ABCA12: variants seen among roughly 807,000 people sequenced by gnomAD.
The protein encoded by ABCA12 is glucosylceramide transporter ABCA12.
ABCA12 carries 156 observed loss-of-function variants against 293.5 expected under a neutral mutation model. That is an observed-to-expected ratio of 0.53 (90% CI 0.47 to 0.61). The LOEUF (loss-of-function observed/expected upper bound fraction) is 0.61, where lower values mean the gene tolerates loss of function less well. ABCA12 is among the 20% of genes least tolerant of loss of function. The probability of loss-of-function intolerance (pLI) is 0.00; values close to 1 mark genes in which losing one functional copy is unlikely to be tolerated. For missense variants in ABCA12, 2,797 were observed against 3,090.2 expected, an observed-to-expected ratio of 0.91 and a Z score of 2.25; for synonymous variants, 1,063 against 1,108.0, an observed-to-expected ratio of 0.96 and a Z score of 0.81.
intron 9 of ABCA12, 144 bp downstream of exon 9, chr2:215,031,677 A>G: frequency 1.1e-6 from 1 of 917,268 alleles, no homozygotes; most frequent in East Asian, 2.5e-5. Context: ...CTACACTTGG[A>G]CTATGCCCTT....
At chr2:215,105,554 A>C (rs2106121527) in intron 2 of ABCA12, among the ~76,000 whole-genome samples, 1 of 151,496 alleles carries the variant, frequency 6.6e-6, no homozygotes, top group South Asian at 2.1e-4. Flanking sequence ...AGAAACATGG[A>C]AAGAGTTGGA....
chr2:214,934,282 C>T (rs1698152765), intron 51 of ABCA12, 67 bp from the exon 52 acceptor site: 1 of 1,571,912 alleles, frequency 6.4e-7, no homozygotes, highest in East Asian at 2.2e-5. Context: ...CTAGACATAA[C>T]TTTACCAAGA....
chr2:214,947,646 G>T (rs1276330975), intron 47 of ABCA12, 90 bp from the exon 48 acceptor site: 2 of 1,428,502 alleles, frequency 1.4e-6, no homozygotes, highest in Non-Finnish European at 1.9e-6. Context: ...CTCATGAAAA[G>T]AAAATGTTAT....
intron 16 of ABCA12, 34 bp from the exon 17 acceptor site, chr2:215,011,683 A>G: frequency 6.3e-7 from 1 of 1,596,716 alleles, no homozygotes; most frequent in Non-Finnish European, 8.6e-7. Context: ...TATTGACACT[A>G]TATGAGCTTT....
chr2:215,079,932 T>C (rs1701905408), intron 2 of ABCA12, among the ~76,000 whole-genome samples: 1 of 152,202 alleles, frequency 6.6e-6, no homozygotes, highest in African/African-American at 2.4e-5. Flanking sequence ...TGGGGATAAA[T>C]AGACTAATGG....
In ABCA12 at chr2:214,968,702, A is replaced by G. The variant is rs1328020381; in HGVS notation, c.5778+18T>C. 1.9e-6 allele frequency: 3 copies of G among 1,610,378 alleles called. No individual in the cohort carries two copies. The South Asian group carries it at 3.3e-5, about 18-fold the overall frequency. ...CTTCTCATTTGTATAACATTCCAGAAAAAAGATCAAAATTTACCTTGGCAA... is the reference window on the plus strand; with the variant it reads ...CTTCTCATTTGTATAACATTCCAGAGAAAAGATCAAAATTTACCTTGGCAA... On this transcript the variant is annotated intron_variant, in intron 38 of 52. Coordinates refer to ENST00000272895, the MANE Select transcript of ABCA12 (RefSeq NM_173076.3).
At chr2:215,079,523 G>A (rs1444286005) in intron 2 of ABCA12, among the ~76,000 whole-genome samples, 1 of 152,216 alleles carries the variant, frequency 6.6e-6, no homozygotes, top group Non-Finnish European at 1.5e-5. Context: ...ACTGGTATAA[G>A]TTTATCATTG....
chr2:215,003,971 A>G (rs1700199239), intron 20 of ABCA12, among the ~76,000 whole-genome samples: 1 of 152,164 alleles, frequency 6.6e-6, no homozygotes, highest in African/African-American at 2.4e-5. Flanking sequence ...CCTGGCCTAC[A>G]TTATAATTAT....
chr2:215,117,244 G>A (rs866568012), intron 1 of ABCA12, among the ~76,000 whole-genome samples: 1 of 152,120 alleles, frequency 6.6e-6, no homozygotes, highest in Non-Finnish European at 1.5e-5. Flanking sequence ...TGCAAGAGAT[G>A]AAGAAACAGA....
chr2:214,955,175 T>C, intron 43 of ABCA12, 27 bp downstream of exon 43: 1 of 1,612,648 alleles, frequency 6.2e-7, no homozygotes, highest in South Asian at 1.1e-5. Context: ...AAGCTTTTGA[T>C]AAATTCACTG....
At position 215,011,958 on chromosome 2, in the gene ABCA12, G is replaced by A. The variant is rs950085055; in HGVS notation, c.2121+13C>T. 6.2e-7 allele frequency: 1 copy of A among 1,613,490 alleles called. No individual in the cohort carries two copies. Among genetic ancestry groups the A allele is most frequent in the South Asian group, 1.1e-5 (1 of 91,068 alleles). On this transcript the variant is annotated intron_variant, in intron 16 of 52. Transcript: ENST00000272895. ...CATTTTTCAACAAGAACATTACTGG[G>A]TGACTTTGCTACCTGTGTTAATGGA...
intron 9 of ABCA12, 78 bp from the exon 10 acceptor site, chr2:215,027,016 C>T (rs1396477402): frequency 9.2e-7 from 1 of 1,092,656 alleles, no homozygotes. Flanking sequence ...TCATTTTGGT[C>T]CCTTGTTTGG....
intron 11 of ABCA12, chr2:215,025,185 A>G (rs1700710418): frequency 6.6e-6 from 1 of 152,312 alleles, no homozygotes; most frequent in Admixed American, 6.5e-5. Context: ...TATGATAACT[A>G]TTGTTAGCCA....
At chr2:215,133,224 G>A (rs1295559785) in intron 1 of ABCA12, among the ~76,000 whole-genome samples, 2 of 118,710 alleles carry the variant, frequency 1.7e-5, no homozygotes, top group African/African-American at 6.0e-5. Flanking sequence ...GACTACATGA[G>A]TTGGTGACGT....
chr2:214,949,029 G>T lies in ABCA12; in HGVS notation c.6962+11C>A. ...TTGTACTCGCTAAATTGAAGCATTA[G>T]TTTTTCATACCCGGTCTTATTTCTG... is the stretch of plus-strand genomic sequence containing the variant. On this transcript the variant is annotated intron_variant, in intron 46 of 52. Transcript: ENST00000272895. 1.2e-6 allele frequency: 2 copies of T among 1,602,328 alleles called. No homozygotes were observed. The highest frequency in any genetic ancestry group is 1.7e-6 in the Non-Finnish European group (2 of 1,169,552).
chr2:214,994,785 T>TA (rs1050872335), intron 23 of ABCA12, among the ~76,000 whole-genome samples: 2 of 152,252 alleles, frequency 1.3e-5, no homozygotes, highest in African/African-American at 2.4e-5. Context: ...ACTAGGAGAC[T>TA]AAAAAAATCT....
chr2:215,111,582 A>G lies in ABCA12; in HGVS notation c.163+15T>C. On this transcript the variant is annotated intron_variant, in intron 2 of 52. Transcript: ENST00000272895. Reference sequence around the variant, plus strand: ...ATCCAAAAATTAAGGAAATAAACAAATGTCATTTACTTACAAGTTGGTTTT... The same window carrying G: ...ATCCAAAAATTAAGGAAATAAACAAGTGTCATTTACTTACAAGTTGGTTTT... The G allele has an allele frequency of 6.4e-7, 1 of 1,569,866 alleles. No individual in the cohort carries two copies. Among genetic ancestry groups the G allele is most frequent in the Non-Finnish European group, 8.8e-7 (1 of 1,140,888 alleles).
rs183821384 is a variant in ABCA12 at position 215,108,484 on chromosome 2, A to G, written c.163+3113T>C. Among the ~76,000 whole-genome samples, 21 of 152,262 alleles carry G rather than the reference A, an allele frequency of 1.4e-4. No individual in the cohort carries two copies. The East Asian group carries it at 3.9e-3, about 28-fold the overall frequency. The stretch of plus-strand genomic sequence containing the variant: ...TCTGGGGCCAGACTGCTTGGTTTCA[A>G]ATCCTGACACCACCACTTATTAACG... On this transcript the variant is annotated intron_variant, in intron 2 of 52. Coordinates refer to ENST00000272895, the MANE Select transcript of ABCA12 (RefSeq NM_173076.3).
At chr2:215,104,069 C>T (rs1366691570) in intron 2 of ABCA12, among the ~76,000 whole-genome samples, 1 of 152,168 alleles carries the variant, frequency 6.6e-6, no homozygotes, top group Non-Finnish European at 1.5e-5. Context: ...CACTCCCTAT[C>T]TGAGAGGAGG....
Sources: allele counts gnomAD v4.1 joint callset (sites outside exome capture counted in the v4.1 genomes callset), GRCh38; gene constraint gnomAD v4.1.1; transcripts MANE v1.5; gene names NCBI Gene and HGNC (gene_info 2026-07-23, HGNC 2026-07-21).